Variants in CHRM4 observed in about 807,000 individuals in gnomAD.
The protein encoded by CHRM4 is cholinergic receptor muscarinic 4, also known as muscarinic acetylcholine receptor M4.
In CHRM4, 5 loss-of-function variants were observed where a neutral mutation model predicts 26.3. That is an observed-to-expected ratio of 0.19 (90% CI 0.10 to 0.40). The LOEUF (loss-of-function observed/expected upper bound fraction) is 0.40, where lower values mean the gene tolerates loss of function less well. CHRM4 is among the 10% of genes least tolerant of loss of function. The pLI is 1.00. For synonymous variants in CHRM4, 290 were observed against 285.3 expected (o/e 1.02, Z -0.16); for missense variants, 402 against 664.5 (o/e 0.60, Z 4.34).
Position 46,386,287 on chromosome 11 carries a change from C to T in CHRM4, c.271G>A (p.Val91Met). The change falls in exon 2 of 2, where the codon GTG (valine) becomes ATG (methionine). Residue 91 changes from valine (V) to methionine (M), a missense_variant. By Grantham distance (21) the Val-to-Met change is conservative (BLOSUM62 1). Around this residue, in one of 5 missense-constraint regions of CHRM4, gnomAD observed 92 missense variants for 133.1 expected, o/e 0.69. Transcript: ENST00000682254. This position sits in a 1 kb window ranked among gnomAD's most constrained non-coding sequence, Gnocchi z 5.8. The part of the protein sequence containing the change: ...IGAFSMNLYT[V>M]YIIKGYWPLG... Reference sequence around the variant, plus strand: ...GGCCAGTAGCCCTTGATGATGTACACGGTGTAGAGGTTCATGGAGAAGGCG... The same window carrying T: ...GGCCAGTAGCCCTTGATGATGTACATGGTGTAGAGGTTCATGGAGAAGGCG... 4 of 1,613,852 alleles carry T rather than the reference C, an allele frequency of 2.5e-6. No individual in the cohort carries two copies. Among genetic ancestry groups the T allele is most frequent in the East Asian group, 2.2e-5 (1 of 44,874 alleles).
rs1945345650 is a variant in CHRM4, at chr11:46,386,789, GC to G, written c.-29-204del. On this transcript the variant is annotated intron_variant, in intron 1 of 1. Coordinates refer to ENST00000682254, the MANE Select transcript of CHRM4 (RefSeq NM_000741.5). This position sits in a 1 kb window ranked among gnomAD's most constrained non-coding sequence, Gnocchi z 5.8. ...GGCAAGCATTGCTCAGGGTGCTGTG[GC>G]TACAGAAGTGAATAAGACACACATG... Among the ~76,000 whole-genome samples the G allele has an allele frequency of 6.6e-6, 1 of 152,192 alleles. No individual in the cohort carries two copies.
chr11:46,383,966 C>CAATT lies in CHRM4; in HGVS notation c.*1148_*1151dup, dbSNP rs1565103045. 4.2e-6 allele frequency: 1 copy of CAATT among 235,518 alleles called. No individual in the cohort carries two copies. Among genetic ancestry groups the CAATT allele is most frequent in the African/African-American group, 2.3e-5 (1 of 43,354 alleles). The allele number at this position is 235,518 out of a possible 1,614,324, so 14.6% of individuals were successfully genotyped here. ...TCCAGAGCTCATGGAAAAAGCAGAA[C>CAATT]AATTACAAACATTTCTTCCAGGGCC... On this transcript the variant is annotated 3_prime_UTR_variant, in exon 2 of 2. Coordinates refer to ENST00000682254, the MANE Select transcript of CHRM4 (RefSeq NM_000741.5).
At chr11:46,389,254 C>T (rs1945370909) in intron 1 of CHRM4, among the ~76,000 whole-genome samples, 1 of 152,224 alleles carries the variant, frequency 6.6e-6, no homozygotes, top group Non-Finnish European at 1.5e-5. Flanking sequence ...CACATTCCTG[C>T]TGGCTTCTCG....
chr11:46,390,825 C>T (rs1040473711), intron 1 of CHRM4, among the ~76,000 whole-genome samples: 1 of 152,258 alleles, frequency 6.6e-6, no homozygotes, highest in Non-Finnish European at 1.5e-5. Context: ...CGGGCGAGAC[C>T]GGAGGGGGTG....
rs931545442 is a variant in CHRM4, at chr11:46,384,926, C to T, written c.*192G>A. Reference sequence around the variant, plus strand: ...CCAGGCAGCCCCAGTTCAGACACTCCCTGGGGTGAGCCTCCTCAGCCTGAG... The same window carrying T: ...CCAGGCAGCCCCAGTTCAGACACTCTCTGGGGTGAGCCTCCTCAGCCTGAG... On this transcript the variant is annotated 3_prime_UTR_variant, in exon 2 of 2. Transcript: ENST00000682254. The T allele has an allele frequency of 2.9e-4, 149 of 511,226 alleles. No individual in the cohort carries two copies. Among genetic ancestry groups the T allele is most frequent in the Non-Finnish European group, 3.5e-4 (140 of 396,814 alleles). 31.7% of individuals were successfully genotyped at this position (511,226 alleles called of 1,614,324 possible). A position where few individuals can be genotyped will look rare whatever the true frequency, so the allele number is the denominator to read the frequency against.
In CHRM4 at chr11:46,386,393, C is replaced by A. The variant is rs765048296; in HGVS notation, c.165G>T (p.Leu55=). The change falls in exon 2 of 2, where the codon CTG becomes CTT. Residue 55 remains leucine (L), a synonymous_variant. Coordinates refer to ENST00000682254, the MANE Select transcript of CHRM4 (RefSeq NM_000741.5). This position sits in a 1 kb window ranked among gnomAD's most constrained non-coding sequence, Gnocchi z 5.8. ...VTVVGNILVM[L]SIKVNRQLQT... is the part of the protein sequence containing the mutation. ...GCAGCTGCCTGTTGACCTTGATGGA[C>A]AGCATCACCAGGATGTTGCCCACGA... 1 of 1,613,998 alleles carries A rather than the reference C, an allele frequency of 6.2e-7. No individual in the cohort carries two copies. The highest frequency in any genetic ancestry group is 8.5e-7 in the Non-Finnish European group (1 of 1,179,908).
Position 46,385,355 on chromosome 11 carries a change from C to T in CHRM4, c.1203G>A (p.Thr401=), listed in dbSNP as rs200209431. 1.9e-6 allele frequency: 3 copies of T among 1,610,112 alleles called. No homozygotes were observed. Among genetic ancestry groups the T allele is most frequent in the East Asian group, 4.5e-5 (2 of 44,754 alleles). ...TGAAGGCTAGCAGAATGGCAAAGAT[C>T]GTTCGTGTCACTTTGCGCTCCCGGG... is the stretch of plus-strand genomic sequence containing the variant. ...MAARERKVTR[T]IFAILLAFIL... is the part of the protein sequence containing the mutation. Residue 401 remains threonine (T), a synonymous_variant, in exon 2 of 2, where the codon ACG becomes ACA. Coordinates refer to ENST00000682254, the MANE Select transcript of CHRM4 (RefSeq NM_000741.5). This position sits in a 1 kb window ranked among gnomAD's most constrained non-coding sequence, Gnocchi z 6.3.
Position 46,386,203 on chromosome 11 carries a change from A to G in CHRM4, c.355T>C (p.Ser119Pro). ...CTGATGATGAGAAGGTTCATGACGG[A>G]GGCGTTGCTCACCACGTAGTCCAGG... ...LALDYVVSNA[S>P]VMNLLIISFD... Residue 119 changes from serine to proline, a missense_variant, in exon 2 of 2, where the codon TCC (serine) becomes CCC (proline). Physicochemically the swap from Ser to Pro is moderately conservative, Grantham distance 74. Transcript: ENST00000682254. The surrounding 1 kb of genome is among the most constrained non-coding windows in gnomAD (Gnocchi z 5.8). The G allele has an allele frequency of 6.2e-7, 1 of 1,613,818 alleles. No individual in the cohort carries two copies. Among genetic ancestry groups the G allele is most frequent in the Non-Finnish European group, 8.5e-7 (1 of 1,179,882 alleles).
chr11:46,385,918 G>A lies in CHRM4; in HGVS notation c.640C>T (p.Leu214=), dbSNP rs757139022. Residue 214 remains leucine, a synonymous_variant, in exon 2 of 2, where the codon CTG becomes TTG. Transcript: ENST00000682254. The surrounding 1 kb of genome is among the most constrained non-coding windows in gnomAD (Gnocchi z 6.3). ...CTGGCCAGGGAGATGTGGATGTACA[G>A]CACCGTCATGATGACCACAGGCAGG... ...FYLPVVIMTV[L]YIHISLASRS... is the part of the protein sequence containing the mutation. 6.2e-7 allele frequency: 1 copy of A among 1,611,932 alleles called. No individual in the cohort carries two copies. The highest frequency in any genetic ancestry group is 2.2e-5 in the East Asian group (1 of 44,806).
At position 46,385,185 on chromosome 11, in the gene CHRM4, G is replaced by A; in HGVS notation, c.1373C>T (p.Ala458Val). The A allele has an allele frequency of 6.2e-7, 1 of 1,614,080 alleles. No individual in the cohort carries two copies. Among genetic ancestry groups the A allele is most frequent in the Non-Finnish European group, 8.5e-7 (1 of 1,179,992 alleles). The change falls in exon 2 of 2, where the codon GCC becomes GTC. Residue 458 changes from alanine (A) to valine (V), a missense_variant. This residue lies in a region of CHRM4 where 55 missense variants were observed against 126.4 expected (regional missense o/e 0.44). Transcript: ENST00000682254. The surrounding 1 kb of genome is among the most constrained non-coding windows in gnomAD (Gnocchi z 6.3). Reference sequence around the variant, plus strand: ...GTGCCGGAAGGTCTTTTTAAAGGTGGCGTTGCACAGAGCATAGCAGGCAGG... The same window carrying A: ...GTGCCGGAAGGTCTTTTTAAAGGTGACGTTGCACAGAGCATAGCAGGCAGG... Reference protein sequence around the residue: ...INPACYALCNATFKKTFRHLL... With the variant: ...INPACYALCNVTFKKTFRHLL...
At chr11:46,388,622 G>T (rs868279845) in intron 1 of CHRM4, among the ~76,000 whole-genome samples, 27 of 152,194 alleles carry the variant, frequency 1.8e-4, no homozygotes, top group Non-Finnish European at 1.0e-4. Flanking sequence ...GTCACACAAC[G>T]AGTCAAGGGC....
Position 46,384,219 on chromosome 11 carries a change from C to A in CHRM4, c.*899G>T, listed in dbSNP as rs991088421. On this transcript the variant is annotated 3_prime_UTR_variant, in exon 2 of 2. Coordinates refer to ENST00000682254, the MANE Select transcript of CHRM4 (RefSeq NM_000741.5). ...TGCCTACCTCACTGCCCACCTCCCC[C>A]CTTCCCACTGTCATGGAAACCCGAG... 1.3e-5 allele frequency among the ~76,000 whole-genome samples: 2 copies of A among 152,260 alleles called. No individual in the cohort carries two copies. Among genetic ancestry groups the A allele is most frequent in the African/African-American group, 2.4e-5 (1 of 41,460 alleles).
chr11:46,385,303 T>C lies in CHRM4; in HGVS notation c.1255A>G (p.Met419Val). The C allele has an allele frequency of 6.2e-7, 1 of 1,614,052 alleles. No individual in the cohort carries two copies. Among genetic ancestry groups the C allele is most frequent in the Non-Finnish European group, 8.5e-7 (1 of 1,179,974 alleles). The change falls in exon 2 of 2, where the codon ATG (methionine) becomes GTG (valine). Residue 419 changes from methionine (M) to valine (V), a missense_variant. By Grantham distance (21) the Met-to-Val change is conservative. This residue lies in a region of CHRM4 where 55 missense variants were observed against 126.4 expected (regional missense o/e 0.44). Transcript: ENST00000682254. This position sits in a 1 kb window ranked among gnomAD's most constrained non-coding sequence, Gnocchi z 6.3. ...FILTWTPYNV[M>V]VLVNTFCQSC... ...TGGCAGAAGGTGTTCACCAGGACCA[T>C]GACGTTGTAGGGCGTCCAGGTGAGG... is the stretch of plus-strand genomic sequence containing the variant.
At chr11:46,388,406 T>C (rs1260229805) in intron 1 of CHRM4, among the ~76,000 whole-genome samples, 2 of 152,230 alleles carry the variant, frequency 1.3e-5, no homozygotes, top group Non-Finnish European at 2.9e-5. Flanking sequence ...GATTGGCACC[T>C]AAACTTGATC....
chr11:46,389,348 G>A (rs1324706327), intron 1 of CHRM4, among the ~76,000 whole-genome samples: 4 of 152,228 alleles, frequency 2.6e-5, no homozygotes, highest in Admixed American at 6.5e-5. Flanking sequence ...CTGGATGGCC[G>A]GTGATTAAGT....
rs910431370 is a variant in CHRM4 at position 46,391,107 on chromosome 11, G to A, written c.-30+424C>T. 2.6e-5 allele frequency among the ~76,000 whole-genome samples: 4 copies of A among 152,026 alleles called. No individual in the cohort carries two copies. Among genetic ancestry groups the A allele is most frequent in the Admixed American group, 6.6e-5 (1 of 15,264 alleles). On this transcript the variant is annotated intron_variant, in intron 1 of 1. Transcript: ENST00000682254. The surrounding 1 kb of genome is among the most constrained non-coding windows in gnomAD (Gnocchi z 6.3). Reference sequence around the variant, plus strand: ...TACCGGAGCGGGGGAGGGGTGTCGGGGAGGGCAGGGGTGTTTTCCGTCGGG... The same window carrying A: ...TACCGGAGCGGGGGAGGGGTGTCGGAGAGGGCAGGGGTGTTTTCCGTCGGG...
At position 46,386,643 on chromosome 11, in the gene CHRM4, T is replaced by G. The variant is rs201307577; in HGVS notation, c.-29-57A>C. ...TACAGGAGGGAATGGGGGAGTCATCTGGAGGTACACTGGATTCAAGGTGAC... is the reference window on the plus strand; with the variant it reads ...TACAGGAGGGAATGGGGGAGTCATCGGGAGGTACACTGGATTCAAGGTGAC... On this transcript the variant is annotated intron_variant, in intron 1 of 1. Transcript: ENST00000682254. The surrounding 1 kb of genome is among the most constrained non-coding windows in gnomAD (Gnocchi z 5.8). 1 of 1,504,400 alleles carries G rather than the reference T, an allele frequency of 6.6e-7. No individual in the cohort carries two copies. 93.2% of individuals were successfully genotyped at this position (1,504,400 alleles called of 1,614,324 possible). A position where few individuals can be genotyped will look rare whatever the true frequency, so the allele number is the denominator to read the frequency against.
chr11:46,384,962 G>T lies in CHRM4; in HGVS notation c.*156C>A, dbSNP rs887372870. 1 of 1,185,710 alleles carries T rather than the reference G, an allele frequency of 8.4e-7. No homozygotes were observed. The highest frequency in any genetic ancestry group is 1.2e-6 in the Non-Finnish European group (1 of 869,156). The allele number at this position is 1,185,710 out of a possible 1,614,324, so 73.4% of individuals were successfully genotyped here. ...CCTCCTCAGCCTGAGCAGAGATCTGGTCTCTGAATGCAGCCACAGAGCCTC... is the reference window on the plus strand; with the variant it reads ...CCTCCTCAGCCTGAGCAGAGATCTGTTCTCTGAATGCAGCCACAGAGCCTC... On this transcript the variant is annotated 3_prime_UTR_variant, in exon 2 of 2. Transcript: ENST00000682254.
chr11:46,389,705 C>T (rs1208973894), intron 1 of CHRM4, among the ~76,000 whole-genome samples: 1 of 152,210 alleles, frequency 6.6e-6, no homozygotes. Context: ...GACGCGGGGT[C>T]CCCTCGCCAG....
Sources: allele counts gnomAD v4.1 joint callset (sites outside exome capture counted in the v4.1 genomes callset), GRCh38; gene constraint gnomAD v4.1.1; regional missense constraint gnomAD v4.1.1; non-coding constraint Gnocchi (gnomAD v3.1); transcripts MANE v1.5; gene names NCBI Gene and HGNC (gene_info 2026-07-23, HGNC 2026-07-21).